Variants in LRP1B observed in about 807,000 individuals in gnomAD.
LRP1B encodes low-density lipoprotein receptor-related protein 1B.
A neutral mutation model predicts 556.6 loss-of-function variants in LRP1B; 217 were observed. That is an observed-to-expected ratio of 0.39 (90% CI 0.35 to 0.44). LRP1B has a LOEUF of 0.44. Among genes scored for constraint, LRP1B ranks in the 20% least tolerant of loss-of-function variants. LRP1B has a pLI of 1.00. For missense variants in LRP1B, 5,053 were observed against 5,620.8 expected (o/e 0.90, Z 3.23); for synonymous variants, 2,047 against 1,865.8 (o/e 1.10, Z -2.50).
At chr2:140,607,157 G>C (rs1024978464) in intron 41 of LRP1B, among the ~76,000 whole-genome samples, 1 of 151,992 alleles carries the variant, frequency 6.6e-6, no homozygotes, top group African/African-American at 2.4e-5. Context: ...CTCCAAAGAA[G>C]ATACACAAAT....
chr2:141,777,508 C>T (rs1225241292), intron 2 of LRP1B, among the ~76,000 whole-genome samples: 8 of 152,084 alleles, frequency 5.3e-5, no homozygotes, highest in Middle Eastern at 3.4e-3. Flanking sequence ...CTCCGCCTCC[C>T]GGGTTCAAGA....
intron 1 of LRP1B, among the ~76,000 whole-genome samples, chr2:142,042,957 A>AACTG (rs1704114464): frequency 8.7e-6 from 1 of 114,484 alleles, no homozygotes; most frequent in Non-Finnish European, 2.1e-5. Flanking sequence ...ATTTGATTTA[A>AACTG]ATTGATACAT....
At chr2:140,433,526 G>A (rs1183388870) in intron 66 of LRP1B, among the ~76,000 whole-genome samples, 1 of 152,116 alleles carries the variant, frequency 6.6e-6, no homozygotes, top group Non-Finnish European at 1.5e-5. Flanking sequence ...AATACGAATT[G>A]TTAGCACACC....
chr2:140,513,021 T>C (rs1003339444), intron 51 of LRP1B, among the ~76,000 whole-genome samples: 1 of 152,080 alleles, frequency 6.6e-6, no homozygotes, highest in Admixed American at 6.6e-5. Flanking sequence ...TTCTTATTAG[T>C]CTTTAATAAA....
chr2:140,923,929 A>G (rs1011362593), intron 20 of LRP1B, among the ~76,000 whole-genome samples: 2 of 152,074 alleles, frequency 1.3e-5, no homozygotes, highest in South Asian at 2.1e-4. Flanking sequence ...ATTGAATTAC[A>G]TGACTAATCT....
At chr2:141,080,540 C>A (rs1699897456) in intron 7 of LRP1B, among the ~76,000 whole-genome samples, 1 of 152,104 alleles carries the variant, frequency 6.6e-6, no homozygotes, top group South Asian at 2.1e-4. Context: ...GTAGCATATG[C>A]AAAAGTAGTG....
chr2:141,315,208 A>G (rs542408199), intron 3 of LRP1B, among the ~76,000 whole-genome samples: 1 of 107,434 alleles, frequency 9.3e-6, no homozygotes, highest in Admixed American at 8.8e-5. Flanking sequence ...AACATAATAA[A>G]GTCTACCAAT....
chr2:141,821,047 AAAG>A (rs1411923060), intron 1 of LRP1B, among the ~76,000 whole-genome samples: 1 of 152,184 alleles, frequency 6.6e-6, no homozygotes, highest in African/African-American at 2.4e-5. Flanking sequence ...ATGAGCCAGG[AAAG>A]AAGAAGCTGT....
rs576081977 is a variant in LRP1B at position 141,607,517 on chromosome 2, T to A, written c.206-126984A>T. Reference sequence around the variant, plus strand: ...ACCCTACCCCATCCCCTCATCTTATTTTCACTGTAAGTTGGCTCTCCCTTC... The same window carrying A: ...ACCCTACCCCATCCCCTCATCTTATATTCACTGTAAGTTGGCTCTCCCTTC... On this transcript the variant is annotated intron_variant, in intron 2 of 90. Transcript: ENST00000389484. 9.8e-5 allele frequency among the ~76,000 whole-genome samples: 15 copies of A among 152,300 alleles called. No homozygotes were observed. In the East Asian group the frequency reaches 2.5e-3, roughly 25 times the overall value.
At chr2:140,623,390 T>TA (rs1187903638) in intron 41 of LRP1B, among the ~76,000 whole-genome samples, 36 of 152,074 alleles carry the variant, frequency 2.4e-4, no homozygotes, top group Non-Finnish European at 1.0e-4. Context: ...GCATTTTGTT[T>TA]AAAAAAGATA....
chr2:141,044,652 A>G (rs2105438109), intron 11 of LRP1B, among the ~76,000 whole-genome samples: 2 of 152,154 alleles, frequency 1.3e-5, no homozygotes, highest in South Asian at 4.1e-4. Flanking sequence ...TTTATGCACC[A>G]AAAGACACAT....
At position 141,219,311 on chromosome 2, in the gene LRP1B, G is replaced by T. The variant is rs139759645; in HGVS notation, c.850+9872C>A. Among the ~76,000 whole-genome samples, 5 of 152,226 alleles carry T rather than the reference G, an allele frequency of 3.3e-5. No individual in the cohort carries two copies. The South Asian group carries it at 1.0e-3, about 32-fold the overall frequency. ...AAACTGAGAGGAATTCCCCCACAGC[G>T]AAGCACAGCAGCTGTGGCAGATCAC... On this transcript the variant is annotated intron_variant, in intron 6 of 90. Coordinates refer to ENST00000389484, the MANE Select transcript of LRP1B (RefSeq NM_018557.3).
rs1416784189 is a variant in LRP1B, at chr2:140,495,647, A to G, written c.8952T>C (p.Asn2984=). The change falls in exon 56 of 91, where the codon AAT becomes AAC. Residue 2984 remains asparagine, a synonymous_variant. Coordinates refer to ENST00000389484, the MANE Select transcript of LRP1B (RefSeq NM_018557.3). ...SGFPCSQQCI[N]TYGTYKCLCT... ...AGAGGCACTTGTAAGTCCCGTATGT[A>G]TTGATGCATTGCTGGCTACAGGGAA... is the stretch of plus-strand genomic sequence containing the variant. The G allele has an allele frequency of 6.2e-7, 1 of 1,614,030 alleles. No homozygotes were observed. The highest frequency in any genetic ancestry group is 1.1e-5 in the South Asian group (1 of 91,082).
intron 3 of LRP1B, among the ~76,000 whole-genome samples, chr2:141,344,869 C>G (rs1688189505): frequency 2.6e-5 from 4 of 152,098 alleles, no homozygotes; most frequent in Admixed American, 2.6e-4. Context: ...TAATGCCCTT[C>G]CCCCTCAAGA....
Position 141,406,760 on chromosome 2 carries a change from A to G in LRP1B, c.343+73636T>C, listed in dbSNP as rs1259343265. ...CACCATAGGAGGAGATTTAATGATCATGTCTATACCATATTTTAGGGGTGA... is the reference window on the plus strand; with the variant it reads ...CACCATAGGAGGAGATTTAATGATCGTGTCTATACCATATTTTAGGGGTGA... On this transcript the variant is annotated intron_variant, in intron 3 of 90. Coordinates refer to ENST00000389484, the MANE Select transcript of LRP1B (RefSeq NM_018557.3). Among the ~76,000 whole-genome samples the G allele has an allele frequency of 3.9e-5, 6 of 152,244 alleles. No individual in the cohort carries two copies. In the South Asian group the frequency reaches 1.2e-3, roughly 32 times the overall value.
rs1695788299 is a variant in LRP1B at position 141,795,860 on chromosome 2, ATATATATAT to A, written c.205+14410_205+14418del. 7.4e-4 allele frequency among the ~76,000 whole-genome samples: 51 copies of A among 69,342 alleles called. 2 individuals are homozygous for A. The highest frequency in any genetic ancestry group is 1.6e-3 in the South Asian group (2 of 1,280). The allele number at this position is 69,342 out of a possible 152,430, so 45.5% of individuals were successfully genotyped here. On this transcript the variant is annotated intron_variant, in intron 2 of 90. Coordinates refer to ENST00000389484, the MANE Select transcript of LRP1B (RefSeq NM_018557.3). The stretch of plus-strand genomic sequence containing the variant: ...ATAGAGAATGAAAACCAGGAGCAAT[ATATATATAT>A]ATATATATATATATATATATATATA...
At chr2:141,414,106 G>C (rs949957665) in intron 3 of LRP1B, among the ~76,000 whole-genome samples, 1 of 151,506 alleles carries the variant, frequency 6.6e-6, no homozygotes, top group African/African-American at 2.4e-5. Context: ...GTGTGGTGGC[G>C]GGTGCCTGTA....
rs759260632 is a variant in LRP1B, at chr2:141,254,484, T to C, written c.463+38A>G. On this transcript the variant is annotated intron_variant, in intron 4 of 90. Coordinates refer to ENST00000389484, the MANE Select transcript of LRP1B (RefSeq NM_018557.3). The stretch of plus-strand genomic sequence containing the variant: ...CTTACATTTCTGTTAACTAAGCCTC[T>C]ATAAACAAAATTTGATGGCGTTATA... 3 of 1,607,166 alleles carry C rather than the reference T, an allele frequency of 1.9e-6. No individual in the cohort carries two copies. The South Asian group carries it at 3.3e-5, about 18-fold the overall frequency.
At chr2:141,231,628 C>G (rs1445912689) in intron 5 of LRP1B, among the ~76,000 whole-genome samples, 1 of 150,152 alleles carries the variant, frequency 6.7e-6, no homozygotes, top group Non-Finnish European at 1.5e-5. Context: ...CTGCCCCGCC[C>G]CGCCACCCAC....
Sources: allele counts gnomAD v4.1 joint callset (sites outside exome capture counted in the v4.1 genomes callset), GRCh38; gene constraint gnomAD v4.1.1; transcripts MANE v1.5; gene names NCBI Gene and HGNC (gene_info 2026-07-23, HGNC 2026-07-21).